EMID1: variants seen among roughly 807,000 people sequenced by gnomAD.
The protein encoded by EMID1 is EMI domain-containing protein 1.
A neutral mutation model predicts 60.6 loss-of-function variants in EMID1; 40 were observed. The ratio of observed to expected loss-of-function variants is 0.66; its 90% CI spans 0.51 to 0.86. The LOEUF (loss-of-function observed/expected upper bound fraction) is 0.86, where lower values mean the gene tolerates loss of function less well. Ranked by LOEUF, EMID1 falls within the 40% of genes least tolerant of loss-of-function variation. The pLI, the probability that EMID1 is intolerant of heterozygous loss-of-function variation, is 0.00. For synonymous variants in EMID1, 242 were observed against 231.0 expected, an observed-to-expected ratio of 1.05 and a Z score of -0.43; for missense variants, 585 against 597.1, an observed-to-expected ratio of 0.98 and a Z score of 0.21.
At chr22:29,225,594 G>A (rs562731154) in intron 4 of EMID1, among the ~76,000 whole-genome samples, 1 of 152,148 alleles carries the variant, frequency 6.6e-6, no homozygotes, top group South Asian at 2.1e-4. Context: ...TTCACTGCCC[G>A]CCCATTGTCC....
At position 29,231,637 on chromosome 22, in the gene EMID1, G is replaced by A. The variant is rs753993763; in HGVS notation, c.631G>A (p.Gly211Arg). The change falls in exon 7 of 15, where the codon GGA becomes AGA. Residue 211 changes from glycine (G) to arginine (R), a missense_variant. By Grantham distance (125) the Gly-to-Arg change is moderately radical. Transcript: ENST00000334018. The part of the protein sequence containing the change: ...WGLPGPTGPK[G>R]DAGSRGPMGM... ...GCTTCCCGGGCCCACCGGCCCCAAGGGAGATGCCGGCAGTCGGGGCCCAAT... is the reference window on the plus strand; with the variant it reads ...GCTTCCCGGGCCCACCGGCCCCAAGAGAGATGCCGGCAGTCGGGGCCCAAT... 6.7e-7 allele frequency: 1 copy of A among 1,497,142 alleles called. No individual in the cohort carries two copies. The highest frequency in any genetic ancestry group is 8.9e-7 in the Non-Finnish European group (1 of 1,118,694). The allele number at this position is 1,497,142 out of a possible 1,614,324, so 92.7% of individuals were successfully genotyped here.
rs553061290 is a variant in EMID1, at chr22:29,259,362, CCTT to C, written c.*419_*421del. 17 of 211,184 alleles carry C rather than the reference CCTT, an allele frequency of 8.0e-5. No individual in the cohort carries two copies. In the East Asian group the frequency reaches 3.0e-3, roughly 37 times the overall value. 13.1% of individuals were successfully genotyped at this position (211,184 alleles called of 1,614,324 possible). On this transcript the variant is annotated 3_prime_UTR_variant, in exon 15 of 15. Transcript: ENST00000334018. ...GGGGAGCCCTCCTGTGCCCCTCCCT[CCTT>C]GTTGTCCAGTGCTGGGCTCCCCACC... is the stretch of plus-strand genomic sequence containing the variant.
At position 29,234,057 on chromosome 22, in the gene EMID1, TC is replaced by T. The variant is rs1728037518; in HGVS notation, c.967-76del. 4.5e-5 allele frequency: 68 copies of T among 1,511,918 alleles called. 1 individual carries two copies. The South Asian group carries it at 8.4e-4, about 19-fold the overall frequency. 93.7% of individuals were successfully genotyped at this position (1,511,918 alleles called of 1,614,324 possible). A position where few individuals can be genotyped will look rare whatever the true frequency, so the allele number is the denominator to read the frequency against. On this transcript the variant is annotated intron_variant, in intron 10 of 14. Coordinates refer to ENST00000334018, the MANE Select transcript of EMID1 (RefSeq NM_133455.4). ...AGGCCCAGACCAAGCTTGAGCGCCCTCCCCAACACCTCTGTTCCCAAGCCCC... is the reference window on the plus strand; with the variant it reads ...AGGCCCAGACCAAGCTTGAGCGCCCTCCCAACACCTCTGTTCCCAAGCCCC...
At chr22:29,255,413 A>C in intron 14 of EMID1, 1 of 1,348,084 alleles carries the variant, frequency 7.4e-7, no homozygotes, top group African/African-American at 1.5e-5. Flanking sequence ...AGGGCCTGGA[A>C]AAGGCCTGGG....
chr22:29,235,348 C>CAA (rs3066718), intron 12 of EMID1, among the ~76,000 whole-genome samples: 14 of 113,326 alleles, frequency 1.2e-4, no homozygotes, highest in African/African-American at 3.6e-4. Flanking sequence ...GACTTCATCT[C>CAA]AAAAAAAAAA....
At chr22:29,206,548 T>C (rs1005620919) in intron 1 of EMID1, among the ~76,000 whole-genome samples, 2 of 152,176 alleles carry the variant, frequency 1.3e-5, no homozygotes, top group African/African-American at 4.8e-5. Flanking sequence ...TTTTTGTTTG[T>C]TTGTTTTGTA....
intron 12 of EMID1, among the ~76,000 whole-genome samples, chr22:29,235,413 T>A (rs1351490049): frequency 6.6e-6 from 1 of 152,022 alleles, no homozygotes; most frequent in Non-Finnish European, 1.5e-5. Context: ...ACAGTTTGAC[T>A]GTTTAGTTAA....
In EMID1 at chr22:29,225,142, C is replaced by T; in HGVS notation, c.329C>T (p.Ser110Phe). 6.2e-7 allele frequency: 1 copy of T among 1,613,960 alleles called. No individual in the cohort carries two copies. The highest frequency in any genetic ancestry group is 1.3e-5 in the African/African-American group (1 of 75,058). ...ACCCTCCATCCCTTAGTTGCAGCTT[C>T]CTCTGCCTCCTTGGAGCCCATGTGG... is the stretch of plus-strand genomic sequence containing the variant. The part of the protein sequence containing the change: ...SGVSCEEVAA[S>F]SASLEPMWSG... Residue 110 changes from serine to phenylalanine, a missense_variant, in exon 4 of 15, where the codon TCC becomes TTC. Transcript: ENST00000334018.
At chr22:29,213,873 G>A (rs1202021729) in intron 1 of EMID1, among the ~76,000 whole-genome samples, 4 of 152,154 alleles carry the variant, frequency 2.6e-5, no homozygotes, top group East Asian at 3.9e-4. Flanking sequence ...CTGGGATGGC[G>A]TCAGAGGCTG....
intron 5 of EMID1, among the ~76,000 whole-genome samples, chr22:29,230,818 T>G (rs2040712293): frequency 6.6e-6 from 1 of 152,146 alleles, no homozygotes; most frequent in Non-Finnish European, 1.5e-5. Flanking sequence ...TTGCCATGTG[T>G]GGTGGTGCAT....
At chr22:29,232,203 C>T in intron 7 of EMID1, 53 bp from the exon 8 acceptor site, 1 of 1,609,748 alleles carries the variant, frequency 6.2e-7, no homozygotes, top group Non-Finnish European at 8.5e-7. Flanking sequence ...TCAAGGCCAC[C>T]CTGGGCCTCC....
intron 8 of EMID1, 112 bp downstream of exon 8, chr22:29,232,514 G>A (rs910125893): frequency 2.9e-5 from 36 of 1,234,828 alleles, no homozygotes; most frequent in Non-Finnish European, 3.5e-5. Flanking sequence ...CTCACGATAG[G>A]CCACATGTGA....
At position 29,231,245 on chromosome 22, in the gene EMID1, C is replaced by G. The variant is rs1464445945; in HGVS notation, c.586+105C>G. On this transcript the variant is annotated intron_variant, in intron 6 of 14. Coordinates refer to ENST00000334018, the MANE Select transcript of EMID1 (RefSeq NM_133455.4). ...TGTCGCTGACTCCCAACTTAACCCT[C>G]TAGTGGGCCTCAGTCTTCCCATTTC... The G allele has an allele frequency of 3.5e-6, 5 of 1,444,330 alleles. No homozygotes were observed. The Admixed American group carries it at 1.3e-4, about 37-fold the overall frequency. 89.5% of individuals were successfully genotyped at this position (1,444,330 alleles called of 1,614,324 possible). A position where few individuals can be genotyped will look rare whatever the true frequency, so the allele number is the denominator to read the frequency against.
chr22:29,238,759 C>T (rs1302817518), intron 12 of EMID1, among the ~76,000 whole-genome samples: 1 of 134,486 alleles, frequency 7.4e-6, no homozygotes, highest in African/African-American at 3.1e-5. Context: ...AGCAAGATCT[C>T]ACTATGTTGC....
chr22:29,214,842 C>G, intron 1 of EMID1, 84 bp from the exon 2 acceptor site: 1 of 980,310 alleles, frequency 1.0e-6, no homozygotes, highest in Non-Finnish European at 1.4e-6. Flanking sequence ...GAAGAGAACA[C>G]GGACGTCCTC....
chr22:29,214,883 C>T (rs1464981822), intron 1 of EMID1, 43 bp from the exon 2 acceptor site: 1 of 1,421,580 alleles, frequency 7.0e-7, no homozygotes, highest in Admixed American at 2.1e-5. Context: ...CAGCAGGGGA[C>T]CCTGTGTGGT....
At chr22:29,224,552 G>A (rs1411918324) in intron 3 of EMID1, among the ~76,000 whole-genome samples, 2 of 152,208 alleles carry the variant, frequency 1.3e-5, no homozygotes, top group Non-Finnish European at 2.9e-5. Context: ...CCTCCCTCTG[G>A]TTTTCATTTA....
At chr22:29,229,170 C>T (rs2040636367) in intron 5 of EMID1, among the ~76,000 whole-genome samples, 1 of 151,736 alleles carries the variant, frequency 6.6e-6, no homozygotes, top group Admixed American at 6.6e-5. Context: ...AGCAAGACTC[C>T]ATCTCTACAA....
intron 3 of EMID1, among the ~76,000 whole-genome samples, chr22:29,216,994 G>A (rs1376310446): frequency 6.6e-6 from 1 of 152,244 alleles, no homozygotes; most frequent in East Asian, 1.9e-4. Context: ...GTGGGAGGGA[G>A]AGGGGAAGGC....
Sources: gnomAD v4.1 joint callset for allele counts (sites outside exome capture counted in the v4.1 genomes callset) on GRCh38, gnomAD v4.1.1 for gene constraint, MANE v1.5 for transcripts, NCBI Gene and HGNC (gene_info 2026-07-23, HGNC 2026-07-21) for gene names.